Variants in SLC25A17 observed in about 807,000 individuals in gnomAD.
SLC25A17 encodes the protein peroxisomal membrane protein PMP34.
In SLC25A17, 26 loss-of-function variants were observed where a neutral mutation model predicts 38.5. That is an observed-to-expected ratio of 0.68 (90% confidence interval 0.50 to 0.94). SLC25A17 has a LOEUF of 0.94. Among genes scored for constraint, SLC25A17 ranks in the 40% least tolerant of loss-of-function variants. SLC25A17 has a pLI of 0.00. For missense variants in SLC25A17, 333 were observed against 372.7 expected, an observed-to-expected ratio of 0.89 and a Z score of 0.88; for synonymous variants, 139 against 136.2, an observed-to-expected ratio of 1.02 and a Z score of -0.14.
chr22:40,792,392 T>TA (rs971325689), intron 4 of SLC25A17, 133 bp downstream of exon 4: 65,416 of 549,062 alleles, frequency 0.12, no homozygotes, highest in East Asian at 0.15. Context: ...TTAACACAAT[T>TA]AAAAAAAAAA....
chr22:40,778,128 T>C (rs1358912186), intron 5 of SLC25A17, among the ~76,000 whole-genome samples: 1 of 152,220 alleles, frequency 6.6e-6, no homozygotes, highest in Non-Finnish European at 1.5e-5. Context: ...CCTGGCAATG[T>C]GGTACTATTG....
At chr22:40,787,499 T>C (rs1490722116) in intron 4 of SLC25A17, among the ~76,000 whole-genome samples, 2 of 152,120 alleles carry the variant, frequency 1.3e-5, no homozygotes, top group East Asian at 3.9e-4. Context: ...TCAAGATCAG[T>C]AAAGATCAAG....
At chr22:40,792,825 A>C in intron 3 of SLC25A17, 149 bp from the exon 4 acceptor site, 2 of 613,750 alleles carry the variant, frequency 3.3e-6, no homozygotes, top group Non-Finnish European at 5.5e-6. Context: ...CACACACCTC[A>C]CATTCTGAAG....
At chr22:40,810,348 T>C (rs996775543) in intron 1 of SLC25A17, among the ~76,000 whole-genome samples, 1 of 95,722 alleles carries the variant, frequency 1.0e-5, no homozygotes, top group African/African-American at 4.4e-5. Flanking sequence ...TTAAATATTC[T>C]TTTTTTTTTT....
intron 4 of SLC25A17, chr22:40,784,382 G>C (rs1299300832): frequency 6.6e-6 from 1 of 152,118 alleles, no homozygotes; most frequent in Non-Finnish European, 1.5e-5. Context: ...CGTTTGCAGG[G>C]GGAGAAAACA....
intron 5 of SLC25A17, 37 bp from the exon 6 acceptor site, chr22:40,777,410 C>A: frequency 6.3e-7 from 1 of 1,593,026 alleles, no homozygotes; most frequent in South Asian, 1.1e-5. Context: ...AAAGCATGAT[C>A]ACAATCCCCC....
intron 3 of SLC25A17, among the ~76,000 whole-genome samples, chr22:40,793,700 C>A (rs752024426): frequency 2.6e-5 from 4 of 152,110 alleles, no homozygotes; most frequent in African/African-American, 9.7e-5. Context: ...GCAACCTCCA[C>A]CTCCTGGGTT....
In SLC25A17 at chr22:40,799,006, G is replaced by A; in HGVS notation, c.115+17C>T. Reference sequence around the variant, plus strand: ...GCTTCCTGACACCATACAAATAGGAGTATGATTTCTACTTACCCTGAAGTC... The same window carrying A: ...GCTTCCTGACACCATACAAATAGGAATATGATTTCTACTTACCCTGAAGTC... On this transcript the variant is annotated intron_variant, in intron 2 of 8. Transcript: ENST00000435456. 3 of 1,549,350 alleles carry A rather than the reference G, an allele frequency of 1.9e-6. No individual in the cohort carries two copies. Among genetic ancestry groups the A allele is most frequent in the South Asian group, 2.2e-5 (2 of 89,668 alleles).
rs539218274 is a variant in SLC25A17, at chr22:40,787,486, C to T, written c.334+5039G>A. Among the ~76,000 whole-genome samples the T allele has an allele frequency of 2.0e-5, 3 of 152,238 alleles. No homozygotes were observed. The East Asian group carries it at 5.8e-4, about 29-fold the overall frequency. ...AGGGCTCAGCGTGCTGTGGTGTCTG[C>T]AGTCAAGATCAGTAAAGATCAAGCT... On this transcript the variant is annotated intron_variant, in intron 4 of 8. Transcript: ENST00000435456.
At chr22:40,807,848 A>C (rs2057543728) in intron 1 of SLC25A17, among the ~76,000 whole-genome samples, 2 of 152,226 alleles carry the variant, frequency 1.3e-5, no homozygotes, top group African/African-American at 4.8e-5. Flanking sequence ...CTCCTAGCCA[A>C]GCAAACACAA....
intron 1 of SLC25A17, among the ~76,000 whole-genome samples, chr22:40,800,445 C>A (rs1213440440): frequency 6.6e-6 from 1 of 152,084 alleles, no homozygotes; most frequent in East Asian, 1.9e-4. Context: ...GTCATCTAGG[C>A]TCCAGTGCAG....
chr22:40,817,076 ATCT>A (rs2057648759), intron 1 of SLC25A17: 1 of 152,166 alleles, frequency 6.6e-6, no homozygotes, highest in Non-Finnish European at 1.5e-5. Flanking sequence ...AACATTTCCC[ATCT>A]TCTCACTTTC....
At chr22:40,780,341 A>G (rs2057283435) in intron 4 of SLC25A17, 1 of 152,196 alleles carries the variant, frequency 6.6e-6, no homozygotes, top group Admixed American at 6.5e-5. Flanking sequence ...TATCAGTCGT[A>G]TTTGTTATAT....
At chr22:40,774,832 C>T (rs781530397) in intron 7 of SLC25A17, among the ~76,000 whole-genome samples, 1 of 152,154 alleles carries the variant, frequency 6.6e-6, no homozygotes, top group Non-Finnish European at 1.5e-5. Flanking sequence ...ACAGAAGGTA[C>T]TAATTTTTCT....
intron 4 of SLC25A17, among the ~76,000 whole-genome samples, chr22:40,781,362 CAGCCTCCCGAGT>C (rs1179648966): frequency 1.3e-5 from 2 of 151,926 alleles, no homozygotes; most frequent in African/African-American, 4.8e-5. Flanking sequence ...TCTCCTGCCT[CAGCCTCCCGAGT>C]AGCCAGGACT....
intron 3 of SLC25A17, among the ~76,000 whole-genome samples, 163 bp downstream of exon 3, chr22:40,794,351 T>A (rs1243197741): frequency 6.6e-6 from 1 of 152,098 alleles, no homozygotes; most frequent in African/African-American, 2.4e-5. Context: ...TCACTACAGA[T>A]CTTTAAGAAA....
intron 3 of SLC25A17, among the ~76,000 whole-genome samples, chr22:40,793,800 C>G (rs562783956): frequency 6.6e-6 from 1 of 152,046 alleles, no homozygotes; most frequent in Non-Finnish European, 1.5e-5. Flanking sequence ...TTAGTAAAGA[C>G]GGGGTTTCTC....
intron 1 of SLC25A17, among the ~76,000 whole-genome samples, chr22:40,801,167 A>ATG (rs1266326282): frequency 8.0e-6 from 1 of 125,718 alleles, no homozygotes. Flanking sequence ...ATATATATAT[A>ATG]TGTAAATGAT....
In SLC25A17 at chr22:40,811,245, TATTTTTA is replaced by T; in HGVS notation, c.54+7943_54+7949del. ...CCCATGATTATCATGTATTAACTTT[TATTTTTA>T]ATTTTTGTTTTTTTTTTTAGTAGAG... On this transcript the variant is annotated intron_variant, in intron 1 of 8. Transcript: ENST00000435456. 2.4e-5 allele frequency among the ~76,000 whole-genome samples: 3 copies of T among 127,532 alleles called. No individual in the cohort carries two copies. The Admixed American group carries it at 2.7e-4, about 11-fold the overall frequency. The allele number at this position is 127,532 out of a possible 152,430, so 83.7% of individuals were successfully genotyped here.
Sources: gnomAD v4.1 joint callset for allele counts (sites outside exome capture counted in the v4.1 genomes callset) on GRCh38, gnomAD v4.1.1 for gene constraint, MANE v1.5 for transcripts, NCBI Gene and HGNC (gene_info 2026-07-23, HGNC 2026-07-21) for gene names.